ERBIN: variants seen among roughly 807,000 people sequenced by gnomAD.
ERBIN encodes the protein densin-180-like protein.
In ERBIN, 60 loss-of-function variants were observed where a neutral mutation model predicts 158.4. The ratio of observed to expected loss-of-function variants is 0.38; its 90% CI spans 0.31 to 0.47. ERBIN has a LOEUF of 0.47. ERBIN is among the 20% of genes least tolerant of loss of function. The pLI is 0.99. For synonymous variants in ERBIN, 594 were observed against 557.2 expected (o/e 1.07, Z -0.93); for missense variants, 1,610 against 1,648.0 (o/e 0.98, Z 0.40).
rs1747194765 is a variant in ERBIN at position 65,956,774 on chromosome 5, T to C, written c.-58+29968T>C. Among the ~76,000 whole-genome samples the C allele has an allele frequency of 1.3e-5, 2 of 152,138 alleles. 1 individual carries two copies. The highest frequency in any genetic ancestry group is 4.1e-4 in the South Asian group (2 of 4,824). On this transcript the variant is annotated intron_variant, in intron 1 of 25. Transcript: ENST00000284037. ...GCATTTGGAAGAATCTGCTCTAGTC[T>C]GCCAATATTTTTTCACCCTGAAGCA...
At chr5:66,043,323 T>G in intron 16 of ERBIN, 125 bp downstream of exon 16, 1 of 919,310 alleles carries the variant, frequency 1.1e-6, no homozygotes. Flanking sequence ...CTCAAGGCAC[T>G]TGAAGTGTTA....
At chr5:66,046,716 C>T (rs1256291542) in intron 18 of ERBIN, among the ~76,000 whole-genome samples, 178 bp downstream of exon 18, 2 of 152,040 alleles carry the variant, frequency 1.3e-5, no homozygotes, top group East Asian at 3.8e-4. Context: ...AATTATTATG[C>T]CCTTTGTATT....
chr5:65,970,801 C>T (rs969860057), intron 1 of ERBIN, among the ~76,000 whole-genome samples: 1 of 151,970 alleles, frequency 6.6e-6, no homozygotes, highest in South Asian at 2.1e-4. Context: ...TGTTGTGTTG[C>T]CCAGGCTGGT....
At chr5:65,997,841 A>G (rs559144249) in intron 4 of ERBIN, among the ~76,000 whole-genome samples, 4 of 152,302 alleles carry the variant, frequency 2.6e-5, no homozygotes, top group African/African-American at 4.8e-5. Context: ...AGGACTTACT[A>G]TGAAGCATTT....
At chr5:65,985,135 C>A (rs1751081687) in intron 1 of ERBIN, among the ~76,000 whole-genome samples, 1 of 152,156 alleles carries the variant, frequency 6.6e-6, no homozygotes, top group African/African-American at 2.4e-5. Flanking sequence ...GGTCTGTTGC[C>A]CAGGCTGGAG....
intron 14 of ERBIN, among the ~76,000 whole-genome samples, chr5:66,033,075 C>T (rs1196439902): frequency 6.6e-6 from 1 of 152,184 alleles, no homozygotes; most frequent in Admixed American, 6.5e-5. Flanking sequence ...TGTATGGTTT[C>T]TGTGCTCTTG....
At chr5:66,069,314 C>T (rs1320540887) in intron 21 of ERBIN, among the ~76,000 whole-genome samples, 1 of 152,166 alleles carries the variant, frequency 6.6e-6, no homozygotes, top group East Asian at 1.9e-4. Context: ...TATGTTTTCT[C>T]TTAATATTAA....
At chr5:66,052,901 A>G (rs543661234) in intron 20 of ERBIN, among the ~76,000 whole-genome samples, 12 of 152,276 alleles carry the variant, frequency 7.9e-5, no homozygotes, top group Non-Finnish European at 1.8e-4. Flanking sequence ...TCTTACCTAT[A>G]TATTTGAATG....
intron 1 of ERBIN, among the ~76,000 whole-genome samples, chr5:65,968,559 TTTAA>T (rs1332743934): frequency 1.3e-5 from 2 of 152,194 alleles, no homozygotes; most frequent in Non-Finnish European, 2.9e-5. Context: ...TTAATTTTGA[TTTAA>T]TTAATTAATT....
chr5:66,032,625 G>C (rs770344538), intron 14 of ERBIN, among the ~76,000 whole-genome samples: 1 of 152,130 alleles, frequency 6.6e-6, no homozygotes, highest in Non-Finnish European at 1.5e-5. Context: ...TTTTAGAAAG[G>C]CCTTTTTGGC....
At chr5:65,964,249 G>A (rs970979172) in intron 1 of ERBIN, among the ~76,000 whole-genome samples, 10 of 152,214 alleles carry the variant, frequency 6.6e-5, no homozygotes, top group African/African-American at 2.2e-4. Flanking sequence ...TTGCTTCAAA[G>A]CAGCTACTTC....
intron 1 of ERBIN, among the ~76,000 whole-genome samples, chr5:65,964,450 G>T (rs1748297152): frequency 6.6e-6 from 1 of 152,158 alleles, no homozygotes; most frequent in African/African-American, 2.4e-5. Flanking sequence ...GAATCCTGCT[G>T]GTTGGAGAAC....
chr5:66,041,290 A>G (rs1368562249), intron 15 of ERBIN, among the ~76,000 whole-genome samples: 1 of 152,044 alleles, frequency 6.6e-6, no homozygotes, highest in Non-Finnish European at 1.5e-5. Flanking sequence ...AGTCCTGGGT[A>G]TGACTATGGT....
intron 15 of ERBIN, among the ~76,000 whole-genome samples, chr5:66,038,861 G>C (rs1757661239): frequency 6.6e-6 from 1 of 152,024 alleles, no homozygotes; most frequent in Non-Finnish European, 1.5e-5. Context: ...AGGATAATCT[G>C]TTGAACTCTG....
At chr5:65,980,650 A>G (rs75586142) in intron 1 of ERBIN, among the ~76,000 whole-genome samples, 1,687 of 152,200 alleles carry the variant, frequency 0.011, 26 homozygotes, top group African/African-American at 0.037. Context: ...CCATATTAAC[A>G]CTAATCAAGA....
chr5:66,025,512 G>C lies in ERBIN; in HGVS notation c.850G>C (p.Asp284His). 1.2e-6 allele frequency: 2 copies of C among 1,612,462 alleles called. No homozygotes were observed. The highest frequency in any genetic ancestry group is 1.7e-6 in the Non-Finnish European group (2 of 1,178,864). Residue 284 changes from aspartate to histidine, a missense_variant, in exon 11 of 26, where the codon GAT becomes CAT. This residue lies in a region of ERBIN where 596 missense variants were observed against 711.9 expected (regional missense o/e 0.84). Coordinates refer to ENST00000284037, the MANE Select transcript of ERBIN (RefSeq NM_001253697.2). Reference sequence around the variant, plus strand: ...GAAGAATATAACAACGCTTAAAATAGATGAAAACCAGTTAATGTATCTGCC... The same window carrying C: ...GAAGAATATAACAACGCTTAAAATACATGAAAACCAGTTAATGTATCTGCC... ...SLKNITTLKI[D>H]ENQLMYLPDS...
intron 4 of ERBIN, among the ~76,000 whole-genome samples, chr5:66,008,556 G>A (rs1031658032): frequency 2.0e-4 from 31 of 152,122 alleles, no homozygotes; most frequent in Non-Finnish European, 3.5e-4. Context: ...TAAAGCTCTT[G>A]AAATTGTTCT....
chr5:65,962,485 T>C (rs1057166697), intron 1 of ERBIN, among the ~76,000 whole-genome samples: 4 of 152,236 alleles, frequency 2.6e-5, no homozygotes, highest in Non-Finnish European at 5.9e-5. Flanking sequence ...TTGTATACTA[T>C]GGTTCTGCCT....
intron 1 of ERBIN, among the ~76,000 whole-genome samples, chr5:65,953,543 A>G (rs986109186): frequency 6.6e-6 from 1 of 152,160 alleles, no homozygotes; most frequent in African/African-American, 2.4e-5. Context: ...CCTGAAAACT[A>G]CAGTGGTCGT....
Sources: gnomAD v4.1 joint callset for allele counts (sites outside exome capture counted in the v4.1 genomes callset) on GRCh38, gnomAD v4.1.1 for gene constraint, gnomAD v4.1.1 regional missense constraint, MANE v1.5 for transcripts, NCBI Gene and HGNC (gene_info 2026-07-23, HGNC 2026-07-21) for gene names.